Variants in PAPPA2 observed in about 807,000 individuals in gnomAD.
The protein encoded by PAPPA2 is pappalysin 2, also known as pappalysin-2.
PAPPA2 carries 86 observed loss-of-function variants against 176.4 expected under a neutral mutation model. The ratio of observed to expected loss-of-function variants is 0.49; its 90% CI spans 0.41 to 0.58. The LOEUF is 0.58. PAPPA2 is among the 20% of genes least tolerant of loss of function. The pLI, the probability that PAPPA2 is intolerant of heterozygous loss-of-function variation, is 0.00. For synonymous variants in PAPPA2, 809 were observed against 852.2 expected (o/e 0.95, Z 0.88); for missense variants, 2,073 against 2,256.9 (o/e 0.92, Z 1.65).
chr1:176,836,852 G>A (rs556305267), intron 21 of PAPPA2: 1 of 152,154 alleles, frequency 6.6e-6, no homozygotes, highest in East Asian at 1.9e-4. Context: ...CTTATGATGG[G>A]CCTCCCCAAG....
intron 1 of PAPPA2, among the ~76,000 whole-genome samples, chr1:176,541,711 A>G (rs963019644): frequency 2.0e-5 from 3 of 152,130 alleles, no homozygotes; most frequent in Non-Finnish European, 4.4e-5. Context: ...TATTTTTTGT[A>G]CTCTTTAAAT....
chr1:176,494,314 A>C (rs1647477115), intron 1 of PAPPA2, among the ~76,000 whole-genome samples: 1 of 152,200 alleles, frequency 6.6e-6, no homozygotes, highest in South Asian at 2.1e-4. Context: ...CAAATCTTGG[A>C]ATCATTCTTA....
chr1:176,770,861 CTT>C, intron 16 of PAPPA2, 104 bp from the exon 17 acceptor site: 9 of 1,039,014 alleles, frequency 8.7e-6, no homozygotes, highest in Non-Finnish European at 1.1e-5. Flanking sequence ...AATAATATGA[CTT>C]TTGAAAGGCA....
chr1:176,546,068 A>T (rs1285428008), intron 1 of PAPPA2, among the ~76,000 whole-genome samples: 1 of 152,192 alleles, frequency 6.6e-6, no homozygotes, highest in Non-Finnish European at 1.5e-5. Context: ...TTAATGTCAA[A>T]ATAAGTATGG....
At chr1:176,779,022 C>T (rs1335563503) in intron 17 of PAPPA2, among the ~76,000 whole-genome samples, 1 of 152,172 alleles carries the variant, frequency 6.6e-6, no homozygotes, top group Non-Finnish European at 1.5e-5. Flanking sequence ...GGCCTGGTGA[C>T]TGGCATCCAT....
chr1:176,739,304 C>T (rs1185550856), intron 12 of PAPPA2, among the ~76,000 whole-genome samples: 3 of 152,062 alleles, frequency 2.0e-5, no homozygotes, highest in African/African-American at 7.2e-5. Context: ...TTTATTGTCT[C>T]TGGCAATGGT....
intron 14 of PAPPA2, among the ~76,000 whole-genome samples, chr1:176,744,275 GT>G (rs1486772161): frequency 2.0e-5 from 3 of 151,870 alleles, no homozygotes; most frequent in African/African-American, 7.3e-5. Flanking sequence ...CCTTCCTTTT[GT>G]TTGTATTTGT....
chr1:176,696,402 G>A (rs1047031604), intron 7 of PAPPA2, among the ~76,000 whole-genome samples: 5 of 152,070 alleles, frequency 3.3e-5, no homozygotes, highest in Admixed American at 6.6e-5. Flanking sequence ...GACTGTTCTC[G>A]TCTATGCTAT....
At chr1:176,686,379 C>T (rs1160958763) in intron 4 of PAPPA2, among the ~76,000 whole-genome samples, 1 of 152,152 alleles carries the variant, frequency 6.6e-6, no homozygotes, top group Non-Finnish European at 1.5e-5. Flanking sequence ...AGACTTAACT[C>T]ATTGTCACGA....
At chr1:176,509,984 T>G (rs895661414) in intron 1 of PAPPA2, among the ~76,000 whole-genome samples, 2 of 151,970 alleles carry the variant, frequency 1.3e-5, no homozygotes, top group African/African-American at 2.4e-5. Flanking sequence ...CCATGAGTTG[T>G]GATCATGCCA....
rs926015847 is a variant in PAPPA2 at position 176,557,761 on chromosome 1, A to G, written c.919+520A>G. 2.6e-5 allele frequency among the ~76,000 whole-genome samples: 4 copies of G among 152,244 alleles called. No homozygotes were observed. In the East Asian group the frequency reaches 7.7e-4, roughly 29 times the overall value. On this transcript the variant is annotated intron_variant, in intron 2 of 22. Transcript: ENST00000367662. ...TTCTCTGAGTGCCCTGGATCTTGGC[A>G]GAAAGGTGCCCTTTGGTCCAGGTCC...
rs1472893351 is a variant in PAPPA2, at chr1:176,844,351, T to C, written c.*1897T>C. 6.6e-6 allele frequency: 1 copy of C among 152,086 alleles called. No individual in the cohort carries two copies. Among genetic ancestry groups the C allele is most frequent in the Non-Finnish European group, 1.5e-5 (1 of 68,022 alleles). The allele number at this position is 152,086 out of a possible 1,614,324, so 9.4% of individuals were successfully genotyped here. On this transcript the variant is annotated 3_prime_UTR_variant, in exon 23 of 23. Coordinates refer to ENST00000367662, the MANE Select transcript of PAPPA2 (RefSeq NM_020318.3). ...GGAATAGGAAATACTACCACAATGA[T>C]AGAAATATTATCCACACTATCACGT...
At chr1:176,607,043 GTTTTAT>G (rs1210567051) in intron 3 of PAPPA2, among the ~76,000 whole-genome samples, 1 of 151,904 alleles carries the variant, frequency 6.6e-6, no homozygotes, top group African/African-American at 2.4e-5. Context: ...AGATATATAT[GTTTTAT>G]TTTTATTTTT....
At chr1:176,529,174 A>G (rs1453328725) in intron 1 of PAPPA2, among the ~76,000 whole-genome samples, 1 of 152,140 alleles carries the variant, frequency 6.6e-6, no homozygotes, top group East Asian at 1.9e-4. Flanking sequence ...GTGACTCAGA[A>G]CTGGGACAAA....
intron 3 of PAPPA2, among the ~76,000 whole-genome samples, chr1:176,667,649 G>A (rs188894517): frequency 2.6e-5 from 4 of 152,214 alleles, no homozygotes; most frequent in Non-Finnish European, 4.4e-5. Context: ...CCTCTGGAGT[G>A]GGTTTGCTCT....
At chr1:176,702,871 T>C (rs1660726466) in intron 9 of PAPPA2, 136 bp downstream of exon 9, 3 of 1,219,204 alleles carry the variant, frequency 2.5e-6, no homozygotes, top group East Asian at 2.6e-5. Context: ...GTTTTGGAAA[T>C]GTAGGGAGCA....
At chr1:176,772,050 A>C (rs1034206494) in intron 17 of PAPPA2, among the ~76,000 whole-genome samples, 1 of 152,134 alleles carries the variant, frequency 6.6e-6, no homozygotes, top group East Asian at 1.9e-4. Context: ...TCAATATCCA[A>C]CTCAAGGTTA....
intron 1 of PAPPA2, among the ~76,000 whole-genome samples, chr1:176,547,593 A>T (rs1447719820): frequency 6.6e-6 from 1 of 152,156 alleles, no homozygotes; most frequent in Non-Finnish European, 1.5e-5. Flanking sequence ...ATGGTTTGTC[A>T]TTGCTCATTT....
intron 3 of PAPPA2, among the ~76,000 whole-genome samples, chr1:176,606,429 A>G (rs1165655810): frequency 6.6e-6 from 1 of 152,186 alleles, no homozygotes; most frequent in African/African-American, 2.4e-5. Flanking sequence ...AAGGAAAACT[A>G]CTATGGGCTT....
Sources: allele counts gnomAD v4.1 joint callset (sites outside exome capture counted in the v4.1 genomes callset), GRCh38; gene constraint gnomAD v4.1.1; transcripts MANE v1.5; gene names NCBI Gene and HGNC (gene_info 2026-07-23, HGNC 2026-07-21).